The following ODF2L variants were observed in gnomAD, a reference collection of about 807,000 sequenced individuals.
The protein encoded by ODF2L is outer dense fiber of sperm tails 2 like, also known as protein BCAP.
In ODF2L, 76 loss-of-function variants were observed where a neutral mutation model predicts 86.3. The ratio of observed to expected loss-of-function variants is 0.88; its 90% CI spans 0.73 to 1.07. ODF2L has a LOEUF of 1.07. Ranked by LOEUF, ODF2L falls within the 50% of genes least tolerant of loss-of-function variation. The pLI is 0.00. For synonymous variants in ODF2L, 241 were observed against 231.3 expected, an observed-to-expected ratio of 1.04 and a Z score of -0.38; for missense variants, 748 against 717.4, an observed-to-expected ratio of 1.04 and a Z score of -0.49.
chr1:86,377,766 C>A (rs941212653), intron 7 of ODF2L, among the ~76,000 whole-genome samples: 1 of 152,222 alleles, frequency 6.6e-6, no homozygotes, highest in African/African-American at 2.4e-5. Context: ...CAAGACTGTA[C>A]AAAGCAGCAA....
At chr1:86,377,525 C>T (rs893604524) in intron 7 of ODF2L, among the ~76,000 whole-genome samples, 2 of 152,210 alleles carry the variant, frequency 1.3e-5, no homozygotes, top group Admixed American at 6.5e-5. Context: ...AGAGGTTCCC[C>T]ATAAGGGCTC....
intron 11 of ODF2L, among the ~76,000 whole-genome samples, chr1:86,361,102 A>G (rs1441858970): frequency 6.6e-6 from 1 of 152,250 alleles, no homozygotes; most frequent in African/African-American, 2.4e-5. Flanking sequence ...TTAAAAGAAG[A>G]TATGTAGAAA....
chr1:86,392,607 G>C (rs189538679), intron 1 of ODF2L, among the ~76,000 whole-genome samples: 4 of 152,280 alleles, frequency 2.6e-5, no homozygotes, highest in Admixed American at 1.3e-4. Flanking sequence ...TGGGAGCTAA[G>C]CTATGAGGAT....
At chr1:86,389,136 C>G (rs989788945) in intron 1 of ODF2L, among the ~76,000 whole-genome samples, 8 of 152,216 alleles carry the variant, frequency 5.3e-5, no homozygotes, top group Admixed American at 3.9e-4. Context: ...ATAAGAAATG[C>G]TATCATTTTA....
chr1:86,373,669 A>C (rs760680273), intron 8 of ODF2L, among the ~76,000 whole-genome samples: 67 of 152,072 alleles, frequency 4.4e-4, no homozygotes, highest in Non-Finnish European at 9.1e-4. Flanking sequence ...TAAGCATCAG[A>C]GGAGAAAGCC....
intron 11 of ODF2L, among the ~76,000 whole-genome samples, chr1:86,367,562 A>G (rs968198066): frequency 6.6e-6 from 1 of 151,496 alleles, no homozygotes; most frequent in Non-Finnish European, 1.5e-5. Context: ...AGGGAAAAAA[A>G]AAAACAAAAC....
downstream of ODF2L, chr1:86,350,066 T>C: frequency 1.9e-5 from 9 of 464,720 alleles, no homozygotes; most frequent in Non-Finnish European, 2.5e-5. Flanking sequence ...ATTTTACTAG[T>C]ACAAAACTTA....
At position 86,372,637 on chromosome 1, in the gene ODF2L, C is replaced by T. The variant is rs1570397539; in HGVS notation, c.811-97G>A. 16 of 614,622 alleles carry T rather than the reference C, an allele frequency of 2.6e-5. No homozygotes were observed. The East Asian group carries it at 5.5e-4, about 21-fold the overall frequency. 38.1% of individuals were successfully genotyped at this position (614,622 alleles called of 1,614,324 possible). ...AATACATTATAAACAGGGAAGCAAT[C>T]TTCCAAAAAGTATGGAACTTCAAAT... is the stretch of plus-strand genomic sequence containing the variant. On this transcript the variant is annotated intron_variant, in intron 8 of 17. Transcript: ENST00000317336.
chr1:86,355,350 C>A (rs1461055200), intron 14 of ODF2L: 6 of 1,535,950 alleles, frequency 3.9e-6, no homozygotes, highest in Non-Finnish European at 4.4e-6. Context: ...CTCACCCATG[C>A]CAAGACAGAA....
chr1:86,355,065 T>C (rs1658433212), intron 14 of ODF2L: 2 of 547,308 alleles, frequency 3.7e-6, no homozygotes, highest in Non-Finnish European at 6.4e-6. Context: ...ATGTTGCCTG[T>C]ATTGGAAAAT....
chr1:86,356,405 T>A (rs574817136), intron 14 of ODF2L, 39 bp downstream of exon 13: 15 of 1,546,334 alleles, frequency 9.7e-6, no homozygotes, highest in Non-Finnish European at 1.2e-5. Flanking sequence ...AAGCATTCTT[T>A]TAACGCATCT....
intron 7 of ODF2L, among the ~76,000 whole-genome samples, chr1:86,377,250 T>C (rs1660239730): frequency 6.6e-6 from 1 of 152,220 alleles, no homozygotes; most frequent in African/African-American, 2.4e-5. Flanking sequence ...ATCTAGGTCA[T>C]GCTGATGCAA....
chr1:86,353,878 C>T (rs572040855), intron 16 of ODF2L, among the ~76,000 whole-genome samples: 3 of 152,300 alleles, frequency 2.0e-5, no homozygotes, highest in South Asian at 2.1e-4. Context: ...GCAGAAACTA[C>T]AGATAGCCCC....
intron 8 of ODF2L, among the ~76,000 whole-genome samples, chr1:86,375,387 T>TTAA (rs1429979714): frequency 6.6e-6 from 1 of 152,102 alleles, no homozygotes; most frequent in Non-Finnish European, 1.5e-5. Flanking sequence ...ATTGAAGAGG[T>TTAA]TAAGTTCCTT....
chr1:86,352,598 A>C (rs927787951), intron 17 of ODF2L, among the ~76,000 whole-genome samples: 1 of 152,194 alleles, frequency 6.6e-6, no homozygotes, highest in African/African-American at 2.4e-5. Context: ...AATTTTCATT[A>C]AGCAGATGTC....
intron 17 of ODF2L, 27 bp downstream of exon 16, chr1:86,352,832 A>G (rs2100715066): frequency 7.4e-7 from 1 of 1,357,876 alleles, no homozygotes; most frequent in Non-Finnish European, 1.0e-6. Flanking sequence ...TATCTTTTAT[A>G]ATATGTTAAG....
chr1:86,381,057 C>T (rs145338050), intron 7 of ODF2L, among the ~76,000 whole-genome samples: 1 of 151,726 alleles, frequency 6.6e-6, no homozygotes, highest in African/African-American at 2.4e-5. Flanking sequence ...GCCTTAAATC[C>T]AAAAGTGTGT....
chr1:86,392,793 T>C (rs996272549), intron 1 of ODF2L, among the ~76,000 whole-genome samples: 3 of 152,162 alleles, frequency 2.0e-5, no homozygotes, highest in African/African-American at 7.2e-5. Context: ...ATACCACCTG[T>C]TCCCCAAAAA....
At chr1:86,376,143 T>C in intron 8 of ODF2L, 90 bp downstream of exon 8, 1 of 660,296 alleles carries the variant, frequency 1.5e-6, no homozygotes, top group Non-Finnish European at 2.4e-6. Flanking sequence ...AAGAAAAGAA[T>C]AAAATTACTA....
Sources: gnomAD v4.1 joint callset for allele counts (sites outside exome capture counted in the v4.1 genomes callset) on GRCh38, gnomAD v4.1.1 for gene constraint, MANE v1.5 for transcripts, NCBI Gene and HGNC (gene_info 2026-07-23, HGNC 2026-07-21) for gene names.